TMEM255B: variants seen among roughly 807,000 people sequenced by gnomAD.
TMEM255B encodes the protein transmembrane protein 255B.
Under a neutral mutation model 34.5 loss-of-function variants are expected in TMEM255B, and 35 were observed. That is an observed-to-expected ratio of 1.01 (90% CI 0.77 to 1.34). The LOEUF (loss-of-function observed/expected upper bound fraction) is 1.34, where lower values mean the gene tolerates loss of function less well. TMEM255B is among the 40% of genes most tolerant of loss of function. The pLI is 0.00. For missense variants in TMEM255B, 432 were observed against 433.2 expected (o/e 1.00, Z 0.02); for synonymous variants, 206 against 201.2 (o/e 1.02, Z -0.20).
Position 113,766,171 on chromosome 13 carries a change from G to A in TMEM255B, c.103G>A (p.Val35Met). ...CTGGTTTGTGGGGTCTCTGCTGCTG[G>A]TGTCCGTCCTCATAGTCACCGTCGG... Reference protein sequence around the residue: ...SLWFVGSLLLVSVLIVTVGLA... With the variant: ...SLWFVGSLLLMSVLIVTVGLA... The change falls in exon 2 of 9, where the codon GTG becomes ATG. Residue 35 changes from valine (V) to methionine (M), a missense_variant. By Grantham distance (21) the Val-to-Met change is conservative. Coordinates refer to ENST00000375353, the MANE Select transcript of TMEM255B (RefSeq NM_182614.4). The A allele has an allele frequency of 6.2e-7, 1 of 1,614,212 alleles. No homozygotes were observed.
Position 113,790,468 on chromosome 13 carries a change from A to T in TMEM255B, c.253-4680A>T, listed in dbSNP as rs1446581467. On this transcript the variant is annotated intron_variant, in intron 3 of 8. Transcript: ENST00000375353. ...CATCCTAGCTGTGGACTGACCGGAC[A>T]CGTAGACATCCTAGCACTGAACTGA... Among the ~76,000 whole-genome samples the T allele has an allele frequency of 9.0e-5, 8 of 89,258 alleles. 1 individual carries two copies. Among genetic ancestry groups the T allele is most frequent in the African/African-American group, 3.4e-4 (8 of 23,258 alleles). The allele number at this position is 89,258 out of a possible 152,430, so 58.6% of individuals were successfully genotyped here.
At chr13:113,808,667 A>G (rs2051231953) in intron 8 of TMEM255B, among the ~76,000 whole-genome samples, 1 of 130,500 alleles carries the variant, frequency 7.7e-6, no homozygotes, top group Non-Finnish European at 1.6e-5. Flanking sequence ...TGAGGGTTTA[A>G]CTCTGTGGTT....
At chr13:113,781,262 A>C (rs1236377528) in intron 3 of TMEM255B, among the ~76,000 whole-genome samples, 1 of 152,220 alleles carries the variant, frequency 6.6e-6, no homozygotes, top group Non-Finnish European at 1.5e-5. Flanking sequence ...TTTGCAGAAA[A>C]ACTGGAGGAT....
At chr13:113,785,008 A>G (rs984412983) in intron 3 of TMEM255B, among the ~76,000 whole-genome samples, 6 of 152,214 alleles carry the variant, frequency 3.9e-5, no homozygotes, top group African/African-American at 1.2e-4. Flanking sequence ...TCTCTCTTAT[A>G]TAAGGGTATT....
intron 4 of TMEM255B, 90 bp downstream of exon 4, chr13:113,795,327 C>T: frequency 7.4e-7 from 1 of 1,355,902 alleles, no homozygotes; most frequent in Non-Finnish European, 1.0e-6. Context: ...CAGATCTCAG[C>T]TCAGACGGCT....
chr13:113,807,383 G>GGCGCAGGGGCAGATCCAC (rs2051195934), intron 8 of TMEM255B, among the ~76,000 whole-genome samples: 2 of 146,424 alleles, frequency 1.4e-5, no homozygotes, highest in Non-Finnish European at 3.0e-5. Context: ...GGATGTGGGG[G>GGCGCAGGGGCAGATCCAC]TGGTCCTCCC....
intron 3 of TMEM255B, among the ~76,000 whole-genome samples, chr13:113,784,467 T>C (rs1040703861): frequency 2.6e-5 from 4 of 151,452 alleles, no homozygotes; most frequent in South Asian, 2.1e-4. Flanking sequence ...CCAGTTGGAA[T>C]TGGCAAAGCG....
At chr13:113,800,453 C>G (rs1189558481) in intron 5 of TMEM255B, among the ~76,000 whole-genome samples, 1 of 152,004 alleles carries the variant, frequency 6.6e-6, no homozygotes, top group East Asian at 1.9e-4. Context: ...TGGGACGGGG[C>G]CTGTTCTGCC....
At chr13:113,801,973 C>T (rs1263580382) in intron 7 of TMEM255B, among the ~76,000 whole-genome samples, 161 bp downstream of exon 7, 1 of 152,162 alleles carries the variant, frequency 6.6e-6, no homozygotes, top group Non-Finnish European at 1.5e-5. Flanking sequence ...TGGCGTGCAC[C>T]GACTCACCTC....
chr13:113,761,190 G>A (rs899311102), intron 1 of TMEM255B: 10 of 985,192 alleles, frequency 1.0e-5, no homozygotes, highest in East Asian at 2.3e-4. Context: ...CTTTTTGGGC[G>A]TTCCAGGTCC....
At chr13:113,763,964 G>T (rs1174273721) in intron 1 of TMEM255B, among the ~76,000 whole-genome samples, 1 of 152,262 alleles carries the variant, frequency 6.6e-6, no homozygotes, top group Non-Finnish European at 1.5e-5. Flanking sequence ...GAGGCCTTGG[G>T]CCGTGTGTTC....
chr13:113,784,006 G>T (rs1357593305), intron 3 of TMEM255B, among the ~76,000 whole-genome samples: 50 of 152,146 alleles, frequency 3.3e-4, no homozygotes, highest in Non-Finnish European at 1.3e-4. Context: ...AGGTCCCTGA[G>T]AATTTGAAAG....
chr13:113,778,039 G>T (rs1176131676), intron 3 of TMEM255B, among the ~76,000 whole-genome samples: 2 of 152,218 alleles, frequency 1.3e-5, no homozygotes, highest in Non-Finnish European at 2.9e-5. Flanking sequence ...GGGCCTGAGG[G>T]GGTGGACAGC....
chr13:113,803,508 A>G (rs1196649636), intron 7 of TMEM255B, among the ~76,000 whole-genome samples: 1 of 148,176 alleles, frequency 6.7e-6, no homozygotes, highest in Non-Finnish European at 1.5e-5. Flanking sequence ...CCAGCCTCTC[A>G]GGGGCCTCCT....
intron 3 of TMEM255B, among the ~76,000 whole-genome samples, chr13:113,780,191 C>T (rs1428520323): frequency 6.6e-6 from 1 of 152,210 alleles, no homozygotes; most frequent in Non-Finnish European, 1.5e-5. Flanking sequence ...TGTGCAGGGA[C>T]TGTGTACACA....
In TMEM255B at chr13:113,803,490, C is replaced by T. The variant is rs1226159058; in HGVS notation, c.670-1395C>T. On this transcript the variant is annotated intron_variant, in intron 7 of 8. Coordinates refer to ENST00000375353, the MANE Select transcript of TMEM255B (RefSeq NM_182614.4). ...CACTTAACGTGCCGGCAAGGGCGGG[C>T]GGCTGAGCCAGCCTCTCAGGGGCCT... 3.4e-5 allele frequency among the ~76,000 whole-genome samples: 5 copies of T among 148,440 alleles called. 1 individual carries two copies. The highest frequency in any genetic ancestry group is 9.8e-5 in the African/African-American group (4 of 40,758).
At chr13:113,790,591 C>T (rs1323886292) in intron 3 of TMEM255B, among the ~76,000 whole-genome samples, 6 of 143,414 alleles carry the variant, frequency 4.2e-5, no homozygotes, top group East Asian at 2.1e-4. Context: ...CTGGACTGAC[C>T]GGACACGTAG....
chr13:113,787,390 G>C (rs765321376), intron 3 of TMEM255B, among the ~76,000 whole-genome samples: 50 of 152,226 alleles, frequency 3.3e-4, no homozygotes, highest in Non-Finnish European at 5.3e-4. Context: ...TGTGGGGAAG[G>C]CTTAAAAGGA....
rs147488514 is a variant in TMEM255B, at chr13:113,804,958, T to C, written c.743T>C (p.Leu248Pro). ...CTCTACAACCCCGCCCAGCAGATCC[T>C]GGCCTACGCAGGCTTCCGCCTGACG... Reference protein sequence around the residue: ...QTLYNPAQQILAYAGFRLTPE... With the variant: ...QTLYNPAQQIPAYAGFRLTPE... The change falls in exon 8 of 9, where the codon CTG becomes CCG. Residue 248 changes from leucine (L) to proline (P), a missense_variant. Coordinates refer to ENST00000375353, the MANE Select transcript of TMEM255B (RefSeq NM_182614.4). The C allele has an allele frequency of 3.7e-5, 59 of 1,606,646 alleles. No homozygotes were observed. The Middle Eastern group carries it at 6.6e-4, about 18-fold the overall frequency.
Sources: allele counts gnomAD v4.1 joint callset (sites outside exome capture counted in the v4.1 genomes callset), GRCh38; gene constraint gnomAD v4.1.1; transcripts MANE v1.5; gene names NCBI Gene and HGNC (gene_info 2026-07-23, HGNC 2026-07-21).